Variants in TASOR2 observed in about 807,000 individuals in gnomAD.
TASOR2 encodes the protein transcription activation suppressor family member 2.
A neutral mutation model predicts 199.5 loss-of-function variants in TASOR2; 84 were observed. That is an observed-to-expected ratio of 0.42 (90% CI 0.35 to 0.50). TASOR2 has a LOEUF of 0.50. Ranked by LOEUF, TASOR2 falls within the 20% of genes least tolerant of loss-of-function variation. The pLI, the probability that TASOR2 is intolerant of heterozygous loss-of-function variation, is 0.02. For synonymous variants in TASOR2, 1,103 were observed against 1,046.6 expected (o/e 1.05, Z -1.04); for missense variants, 2,796 against 2,835.9 (o/e 0.99, Z 0.32).
intron 14 of TASOR2, among the ~76,000 whole-genome samples, chr10:5,745,835 G>A (rs1837110724): frequency 6.6e-6 from 1 of 151,964 alleles, no homozygotes; most frequent in African/African-American, 2.4e-5. Flanking sequence ...TTTTTCTCTA[G>A]TGCTACACTT....
chr10:5,749,229 T>C (rs1431350705), exon 15 of TASOR2: 1 of 1,614,108 alleles, frequency 6.2e-7, no homozygotes, highest in Non-Finnish European at 8.5e-7. Flanking sequence ...AACTCAAAGA[T>C]ACCATGAGAA....
rs1838246374 is a variant in TASOR2, at chr10:5,752,681, G to A, written c.6606+2654G>A. ...ACCACTTCTCATCTGGAGTACTAAG[G>A]CCACTGCAGAAACCACAGAGCTGCA... is the stretch of plus-strand genomic sequence containing the variant. On this transcript the variant is annotated intron_variant, in intron 15 of 20. Coordinates refer to ENST00000328090, the Ensembl canonical transcript of TASOR2. The surrounding 1 kb of genome is among the most constrained non-coding windows in gnomAD (Gnocchi z 4.4). Among the ~76,000 whole-genome samples the A allele has an allele frequency of 6.6e-6, 1 of 152,198 alleles. No homozygotes were observed. The highest frequency in any genetic ancestry group is 2.1e-4 in the South Asian group (1 of 4,836).
chr10:5,717,859 A>G, intron 3 of TASOR2, 109 bp downstream of exon 4: 1 of 426,292 alleles, frequency 2.3e-6, no homozygotes, highest in East Asian at 3.6e-5. Flanking sequence ...AAAGTTAGCT[A>G]TCCAAATTCA....
chr10:5,735,264 G>GCC (rs777543371), intron 11 of TASOR2, 40 bp from the exon 13 acceptor site: 9 of 1,578,764 alleles, frequency 5.7e-6, no homozygotes, highest in Non-Finnish European at 7.7e-6. Flanking sequence ...AAGTATCTGG[G>GCC]CCCCTACCCC....
Position 5,762,517 on chromosome 10 carries a change from T to TTTG in TASOR2, c.7175-13_7175-12insGTT, listed in dbSNP as rs758882872. On this transcript the variant is annotated splice_polypyrimidine_tract_variant and intron_variant, in intron 19 of 20. Transcript: ENST00000328090. Reference sequence around the variant, plus strand: ...ATTATATTAACCAAAAGTTGTTTTTTTTTTTTTTTAACAGACAAGCCTACT... The same window carrying TTTG: ...ATTATATTAACCAAAAGTTGTTTTTTTTGTTTTTTTTTAACAGACAAGCCTACT... 1.6e-6 allele frequency: 1 copy of TTTG among 606,842 alleles called. No homozygotes were observed. Among genetic ancestry groups the TTTG allele is most frequent in the African/African-American group, 2.0e-5 (1 of 50,848 alleles). 37.6% of individuals were successfully genotyped at this position (606,842 alleles called of 1,614,324 possible). A position where few individuals can be genotyped will look rare whatever the true frequency, so the allele number is the denominator to read the frequency against.
intron 1 of TASOR2, among the ~76,000 whole-genome samples, chr10:5,707,518 C>T (rs1431782712): frequency 6.6e-6 from 1 of 151,998 alleles, no homozygotes; most frequent in Non-Finnish European, 1.5e-5. Context: ...AAAGGTTTCC[C>T]AGAACTCTCT....
chr10:5,747,762 C>T (rs768977937), exon 15 of TASOR2: 9 of 1,614,116 alleles, frequency 5.6e-6, no homozygotes, highest in Non-Finnish European at 7.6e-6. Flanking sequence ...AAGACTTAGG[C>T]ATAACAGAAA....
chr10:5,729,044 A>G (rs1588763430), intron 10 of TASOR2, among the ~76,000 whole-genome samples: 1 of 152,134 alleles, frequency 6.6e-6, no homozygotes, highest in African/African-American at 2.4e-5. Flanking sequence ...CTATATTTGT[A>G]TCAGGTGAAG....
rs747565897 is a variant in TASOR2, at chr10:5,730,511, A to T, written c.512A>T (p.Asp171Val). ...GGGGTGAAAGATTTGAAAGTTGAAGATGACATCTCAATGAAGGTGATACCT... is the reference window on the plus strand; with the variant it reads ...GGGGTGAAAGATTTGAAAGTTGAAGTTGACATCTCAATGAAGGTGATACCT... Residue 171 changes from aspartate to valine, a missense_variant, in exon 11 of 21, where the codon GAT (aspartate) becomes GTT (valine). By Grantham distance (152) the Asp-to-Val change is radical. This residue lies in a region of TASOR2 where 847 missense variants were observed against 887.4 expected (regional missense o/e 0.95). Coordinates refer to ENST00000328090, the Ensembl canonical transcript of TASOR2. The surrounding 1 kb of genome is among the most constrained non-coding windows in gnomAD (Gnocchi z 4.1). The T allele has an allele frequency of 6.2e-7, 1 of 1,603,338 alleles. No individual in the cohort carries two copies. The highest frequency in any genetic ancestry group is 8.5e-7 in the Non-Finnish European group (1 of 1,175,996).
chr10:5,726,942 T>C (rs768015926), exon 9 of TASOR2: 1 of 1,614,062 alleles, frequency 6.2e-7, no homozygotes, highest in Non-Finnish European at 8.5e-7. Flanking sequence ...ATCATCAGCC[T>C]TACTATCAGA....
chr10:5,697,078 G>A (rs1321362820), intron 1 of TASOR2, among the ~76,000 whole-genome samples: 2 of 152,124 alleles, frequency 1.3e-5, no homozygotes, highest in East Asian at 3.8e-4. Flanking sequence ...AACTGAAGAA[G>A]GTGACTTTCT....
rs180911298 is a variant in TASOR2 at position 5,737,042 on chromosome 10, C to G, written c.1447+1496C>G. On this transcript the variant is annotated intron_variant, in intron 12 of 20. Transcript: ENST00000328090. This position sits in a 1 kb window ranked among gnomAD's most constrained non-coding sequence, Gnocchi z 4.9. ...TAGCACGATCTCGGCTCACTGCAAC[C>G]TCTGCCTCCCAGGTTCAAGCAGTTT... Among the ~76,000 whole-genome samples, 147 of 152,304 alleles carry G rather than the reference C, an allele frequency of 9.7e-4. No individual in the cohort carries two copies. Among genetic ancestry groups the G allele is most frequent in the Non-Finnish European group, 5.1e-4 (35 of 68,024 alleles).
intron 19 of TASOR2, 36 bp downstream of exon 20, chr10:5,761,507 A>C: frequency 6.3e-7 from 1 of 1,589,070 alleles, no homozygotes; most frequent in African/African-American, 1.3e-5. Flanking sequence ...GTTAATGCCA[A>C]AATTGGTCAG....
At chr10:5,724,459 T>C in exon 8 of TASOR2, 1 of 1,546,724 alleles carries the variant, frequency 6.5e-7, no homozygotes, top group Non-Finnish European at 8.7e-7. Flanking sequence ...CTTCAATTTG[T>C]ATGAGGTAGA....
At chr10:5,761,496 A>G (rs1199432340) in intron 19 of TASOR2, 25 bp downstream of exon 20, 8 of 1,600,372 alleles carry the variant, frequency 5.0e-6, no homozygotes, top group Non-Finnish European at 5.1e-6. Context: ...CATTTTACTC[A>G]GTTAATGCCA....
At chr10:5,696,895 G>C (rs1017306353) in intron 1 of TASOR2, among the ~76,000 whole-genome samples, 1 of 152,074 alleles carries the variant, frequency 6.6e-6, no homozygotes, top group Admixed American at 6.5e-5. Flanking sequence ...TGCGACAGAA[G>C]AAATTTCTTA....
chr10:5,707,953 A>G (rs1342775500), intron 1 of TASOR2, among the ~76,000 whole-genome samples: 1 of 152,182 alleles, frequency 6.6e-6, no homozygotes, highest in African/African-American at 2.4e-5. Context: ...TGGTCTCCCT[A>G]TTCCTAATTT....
In TASOR2 at chr10:5,761,033, G is replaced by T. The variant is rs1839745557; in HGVS notation, c.6993-257G>T. ...CCCACTCGAAATTCATGAAAGGCTTGCCAAGCCACATGGCTTGATTGGTCG... is the reference window on the plus strand; with the variant it reads ...CCCACTCGAAATTCATGAAAGGCTTTCCAAGCCACATGGCTTGATTGGTCG... On this transcript the variant is annotated intron_variant, in intron 18 of 20. Coordinates refer to ENST00000328090, the Ensembl canonical transcript of TASOR2. 4 of 340,590 alleles carry T rather than the reference G, an allele frequency of 1.2e-5. No homozygotes were observed. The South Asian group carries it at 2.4e-4, about 21-fold the overall frequency. The allele number at this position is 340,590 out of a possible 1,614,324, so 21.1% of individuals were successfully genotyped here.
At chr10:5,716,581 A>G (rs1297065193) in intron 2 of TASOR2, among the ~76,000 whole-genome samples, 2 of 152,090 alleles carry the variant, frequency 1.3e-5, no homozygotes, top group African/African-American at 4.8e-5. Flanking sequence ...AGTAAAGAGC[A>G]TACCATAATA....
Sources: gnomAD v4.1 joint callset for allele counts (sites outside exome capture counted in the v4.1 genomes callset) on GRCh38, gnomAD v4.1.1 for gene constraint, gnomAD v4.1.1 regional missense constraint, Gnocchi (gnomAD v3.1) non-coding constraint, MANE v1.5 for transcripts, NCBI Gene and HGNC (gene_info 2026-07-23, HGNC 2026-07-21) for gene names.